The following CEP295NL variants were observed in gnomAD, a reference collection of about 807,000 sequenced individuals.
The protein encoded by CEP295NL is protein DDC8 homolog.
Under a neutral mutation model 4.6 loss-of-function variants are expected in CEP295NL, and 3 were observed. The ratio of observed to expected loss-of-function variants is 0.65; its 90% CI spans 0.30 to 1.69. The LOEUF is 1.69. Ranked by LOEUF, CEP295NL falls within the 40% of genes most tolerant of loss-of-function variation. CEP295NL has a pLI of 0.10. For missense variants in CEP295NL, 719 were observed against 769.0 expected, an observed-to-expected ratio of 0.93 and a Z score of 0.77; for synonymous variants, 295 against 312.2, an observed-to-expected ratio of 0.94 and a Z score of 0.58.
At chr17:78,893,361 A>C (rs1599162661) in intron 2 of CEP295NL, among the ~76,000 whole-genome samples, 1 of 88,978 alleles carries the variant, frequency 1.1e-5, no homozygotes, top group Non-Finnish European at 2.2e-5. Flanking sequence ...GTGTGTGTGC[A>C]GGGGTGTGTA....
chr17:78,894,856 G>A (rs1304771111), intron 2 of CEP295NL, among the ~76,000 whole-genome samples: 3 of 151,994 alleles, frequency 2.0e-5, no homozygotes, highest in Non-Finnish European at 4.4e-5. Flanking sequence ...GGTACCATAA[G>A]TAAAGTGAAA....
chr17:78,890,661 G>T lies in CEP295NL; in HGVS notation c.1843C>A (p.Arg615=), dbSNP rs189046524. The change falls in exon 3 of 3, where the codon CGG becomes AGG. Residue 615 remains arginine (R), a synonymous_variant. Coordinates refer to ENST00000322630, the MANE Select transcript of CEP295NL (RefSeq NM_001243540.2). ...QFLEEARKCL[R]EFQNIC is the part of the protein sequence containing the mutation. ...ATTTAGCATATGTTCTGAAACTCCC[G>T]CAAGCATTTCCGGGCTTCTTCAAGA... The T allele has an allele frequency of 1.3e-6, 2 of 1,550,250 alleles. No homozygotes were observed. Among genetic ancestry groups the T allele is most frequent in the East Asian group, 2.4e-5 (1 of 40,922 alleles).
intron 2 of CEP295NL, among the ~76,000 whole-genome samples, chr17:78,895,709 T>C (rs1211208626): frequency 2.0e-5 from 3 of 152,144 alleles, no homozygotes; most frequent in African/African-American, 7.2e-5. Flanking sequence ...CCAGCTCACA[T>C]GGAGGAGTTG....
chr17:78,892,293 T>C lies in CEP295NL; in HGVS notation c.211A>G (p.Asn71Asp), dbSNP rs59989120. Residue 71 changes from asparagine to aspartate, a missense_variant, in exon 3 of 3, where the codon AAC (asparagine) becomes GAC (aspartate). Asn to Asp is a conservative substitution (Grantham distance 23). Transcript: ENST00000322630. ...GAMWLSLCPD[N>D]EDLLWRKKHK... ...TTTTTCCTCCAAAGCAGGTCTTCGT[T>C]ATCAGGACAGAGGCTCAGCCACATG... The C allele has an allele frequency of 4.3e-3, 6,639 of 1,550,704 alleles. 224 individuals carry two copies. In the African/African-American group the frequency reaches 0.072, roughly 17 times the overall value.
intron 2 of CEP295NL, among the ~76,000 whole-genome samples, chr17:78,893,550 T>C (rs141784142): frequency 1.3e-5 from 2 of 151,966 alleles, no homozygotes; most frequent in East Asian, 3.9e-4. Flanking sequence ...TGCACATGCC[T>C]GCACATCTGT....
chr17:78,901,924 T>A lies in CEP295NL; in HGVS notation c.-96A>T. 1.6e-6 allele frequency: 1 copy of A among 616,444 alleles called. No individual in the cohort carries two copies. Among genetic ancestry groups the A allele is most frequent in the Non-Finnish European group, 3.0e-6 (1 of 335,096 alleles). The allele number at this position is 616,444 out of a possible 1,614,324, so 38.2% of individuals were successfully genotyped here. A position where few individuals can be genotyped will look rare whatever the true frequency, so the allele number is the denominator to read the frequency against. ...GACTTTGTAGGTAGTGAGACGCCCA[T>A]CACTGGAGGCATCCGAACCAAGCCC... is the stretch of plus-strand genomic sequence containing the variant. On this transcript the variant is annotated splice_region_variant and 5_prime_UTR_variant, in exon 2 of 3. It removes an upstream start codon present in the reference 5' UTR. Transcript: ENST00000322630.
intron 2 of CEP295NL, chr17:78,899,629 C>G (rs2070058906): frequency 6.6e-6 from 1 of 152,258 alleles, no homozygotes; most frequent in Non-Finnish European, 1.5e-5. Flanking sequence ...GGGAGCCACC[C>G]TAGCCTGGAA....
In CEP295NL at chr17:78,892,402, T is replaced by C; in HGVS notation, c.102A>G (p.Glu34=). Residue 34 remains glutamate, a synonymous_variant, in exon 3 of 3, where the codon GAA becomes GAG. Transcript: ENST00000322630. Reference sequence around the variant, plus strand: ...GGTGCTTGGAGCCAAGAGTGGAGGGTTCAAGGGGCGCCCCCGGGCCTGAGG... The same window carrying C: ...GGTGCTTGGAGCCAAGAGTGGAGGGCTCAAGGGGCGCCCCCGGGCCTGAGG... ...CGSSGPGAPL[E]PSTLGSKHLP... 6.5e-7 allele frequency: 1 copy of C among 1,549,862 alleles called. No homozygotes were observed.
At chr17:78,892,509 G>C in intron 2 of CEP295NL, 50 bp from the exon 3 acceptor site, 3 of 1,501,088 alleles carry the variant, frequency 2.0e-6, no homozygotes, top group Non-Finnish European at 2.7e-6. Context: ...TCCCAGGAGA[G>C]TGAGCAAAGC....
At position 78,891,670 on chromosome 17, in the gene CEP295NL, C is replaced by T; in HGVS notation, c.834G>A (p.Arg278=). 1 of 1,551,124 alleles carries T rather than the reference C, an allele frequency of 6.4e-7. No individual in the cohort carries two copies. Among genetic ancestry groups the T allele is most frequent in the Non-Finnish European group, 8.7e-7 (1 of 1,147,134 alleles). The change falls in exon 3 of 3, where the codon AGG becomes AGA. Residue 278 remains arginine, a synonymous_variant. Coordinates refer to ENST00000322630, the MANE Select transcript of CEP295NL (RefSeq NM_001243540.2). The surrounding 1 kb of genome is among the most constrained non-coding windows in gnomAD (Gnocchi z 4.5). ...AAACTGCCCCCTTTCCCAGTTGCCTCCTCCCCGCCCGAGCTGTTCCTTTCT... is the reference window on the plus strand; with the variant it reads ...AAACTGCCCCCTTTCCCAGTTGCCTTCTCCCCGCCCGAGCTGTTCCTTTCT... ...EKEKGTARAG[R]RQLGKGAVCF...
intron 2 of CEP295NL, among the ~76,000 whole-genome samples, chr17:78,894,348 C>T (rs992789264): frequency 3.3e-5 from 5 of 151,982 alleles, no homozygotes; most frequent in Non-Finnish European, 5.9e-5. Flanking sequence ...CTGCAGCTGG[C>T]TTTGACTTAA....
intron 2 of CEP295NL, among the ~76,000 whole-genome samples, chr17:78,893,583 G>C (rs2145774173): frequency 6.6e-6 from 1 of 152,108 alleles, no homozygotes; most frequent in East Asian, 1.9e-4. Flanking sequence ...GTGTACAGGT[G>C]TGTGTATGTA....
At chr17:78,901,651 G>A (rs12941365) in intron 2 of CEP295NL, 134 bp downstream of exon 2, 20 of 704,664 alleles carry the variant, frequency 2.8e-5, no homozygotes, top group East Asian at 2.2e-4. Flanking sequence ...TAGGCCAAGC[G>A]ACTTCACTCT....
At chr17:78,895,056 G>A (rs8073514) in intron 2 of CEP295NL, among the ~76,000 whole-genome samples, 11,317 of 152,050 alleles carry the variant, frequency 0.074, 1,334 homozygotes, top group African/African-American at 0.25. Context: ...TGAGGCGGGC[G>A]GATCACTTGA....
chr17:78,890,836 G>C lies in CEP295NL; in HGVS notation c.1668C>G (p.Ser556=), dbSNP rs1487994282. ...TCTCCCTTTCCTGGGCTCTCGTGGA[G>C]GAGGACTTCAGATGGGCCAGTCGAG... ...RRARLAHLKS[S]STRAQERERG... Residue 556 remains serine (S), a synonymous_variant, in exon 3 of 3, where the codon TCC becomes TCG. Coordinates refer to ENST00000322630, the MANE Select transcript of CEP295NL (RefSeq NM_001243540.2). The C allele has an allele frequency of 3.2e-6, 5 of 1,550,514 alleles. No homozygotes were observed. In the South Asian group the frequency reaches 5.9e-5, roughly 18 times the overall value.
chr17:78,893,160 G>T (rs1308685790), intron 2 of CEP295NL, among the ~76,000 whole-genome samples: 3 of 144,220 alleles, frequency 2.1e-5, no homozygotes, highest in Non-Finnish European at 3.0e-5. Context: ...TGTGTGCAGG[G>T]GTGTGTGTGC....
At chr17:78,892,653 G>A in intron 2 of CEP295NL, 194 bp from the exon 3 acceptor site, 1 of 763,470 alleles carries the variant, frequency 1.3e-6, no homozygotes, top group Non-Finnish European at 2.0e-6. Flanking sequence ...TTTGACAAGA[G>A]CCTGTAGGGC....
intron 2 of CEP295NL, among the ~76,000 whole-genome samples, chr17:78,900,514 T>C (rs2070074035): frequency 3.4e-5 from 5 of 149,100 alleles, no homozygotes. Flanking sequence ...CACTGTACTC[T>C]AGCCTAGGCA....
chr17:78,892,239 C>T lies in CEP295NL; in HGVS notation c.265G>A (p.Gly89Ser). The T allele has an allele frequency of 1.9e-6, 3 of 1,551,004 alleles. No individual in the cohort carries two copies. Among genetic ancestry groups the T allele is most frequent in the Non-Finnish European group, 2.6e-6 (3 of 1,147,092 alleles). Residue 89 changes from glycine (G) to serine (S), a missense_variant, in exon 3 of 3, where the codon GGC (glycine) becomes AGC (serine). Coordinates refer to ENST00000322630, the MANE Select transcript of CEP295NL (RefSeq NM_001243540.2). ...GCTCTTCTCTGCAGAGCGAGATCGC[C>T]TTTGCCCCGGGCTTGTAGCAATTTG... Reference protein sequence around the residue: ...KHKLLQARGKGDLALQRRADA... With the variant: ...KHKLLQARGKSDLALQRRADA...
Sources: gnomAD v4.1 joint callset for allele counts (sites outside exome capture counted in the v4.1 genomes callset) on GRCh38, gnomAD v4.1.1 for gene constraint, Gnocchi (gnomAD v3.1) non-coding constraint, MANE v1.5 for transcripts, NCBI Gene and HGNC (gene_info 2026-07-23, HGNC 2026-07-21) for gene names.